MCC: variants seen among roughly 807,000 people sequenced by gnomAD.
MCC encodes MCC regulator of Wnt signaling pathway.
Under a neutral mutation model 116.2 loss-of-function variants are expected in MCC, and 90 were observed. The observed-to-expected ratio is 0.77, with a 90% CI of 0.65 to 0.92. MCC has a LOEUF of 0.92. Ranked by LOEUF, MCC falls within the 40% of genes least tolerant of loss-of-function variation. The probability of loss-of-function intolerance (pLI) is 0.00; values close to 1 mark genes in which losing one functional copy is unlikely to be tolerated. For synonymous variants in MCC, 578 were observed against 510.5 expected (o/e 1.13, Z -1.78); for missense variants, 1,516 against 1,312.2 (o/e 1.16, Z -2.40).
intron 3 of MCC, among the ~76,000 whole-genome samples, chr5:113,152,113 G>A (rs115141030): frequency 6.6e-5 from 10 of 152,226 alleles, no homozygotes; most frequent in Non-Finnish European, 1.2e-4. Flanking sequence ...ACAAACCAAG[G>A]ATCAACTGAG....
chr5:113,383,301 T>C (rs1029739980), intron 2 of MCC, among the ~76,000 whole-genome samples: 14 of 152,356 alleles, frequency 9.2e-5, no homozygotes, highest in African/African-American at 3.4e-4. Context: ...AAGAAATCCA[T>C]GTTCTTGGCA....
At chr5:113,041,617 T>C (rs548978917) in intron 17 of MCC, among the ~76,000 whole-genome samples, 2 of 152,080 alleles carry the variant, frequency 1.3e-5, no homozygotes, top group African/African-American at 2.4e-5. Context: ...AGGAGACAGC[T>C]TCTGATATGA....
intron 8 of MCC, among the ~76,000 whole-genome samples, chr5:113,088,323 G>C (rs933192715): frequency 6.6e-6 from 1 of 151,998 alleles, no homozygotes; most frequent in Non-Finnish European, 1.5e-5. Flanking sequence ...TGCTGAGTCA[G>C]CTTAGGCATG....
At chr5:113,409,759 T>A (rs1265763310) in intron 1 of MCC, among the ~76,000 whole-genome samples, 1 of 152,148 alleles carries the variant, frequency 6.6e-6, no homozygotes, top group African/African-American at 2.4e-5. Flanking sequence ...CCCACCCCAC[T>A]CCAATACTAA....
chr5:113,412,256 C>A (rs1309086281), intron 1 of MCC, among the ~76,000 whole-genome samples: 1 of 152,150 alleles, frequency 6.6e-6, no homozygotes, highest in African/African-American at 2.4e-5. Flanking sequence ...ACAATGCAGG[C>A]TCTTTTTTGG....
intron 3 of MCC, among the ~76,000 whole-genome samples, chr5:113,178,200 C>G (rs991552931): frequency 6.6e-6 from 1 of 152,190 alleles, no homozygotes; most frequent in African/African-American, 2.4e-5. Flanking sequence ...TGGAGTCACT[C>G]TTGTCACTTA....
At chr5:113,121,912 C>G (rs996000098) in intron 6 of MCC, among the ~76,000 whole-genome samples, 1 of 151,812 alleles carries the variant, frequency 6.6e-6, no homozygotes, top group African/African-American at 2.4e-5. Flanking sequence ...CCCTCAACCT[C>G]GATCTCTTTC....
intron 2 of MCC, among the ~76,000 whole-genome samples, chr5:113,364,260 AC>A (rs1561538952): frequency 3.0e-4 from 30 of 101,420 alleles, no homozygotes; most frequent in African/African-American, 5.3e-4. Flanking sequence ...AAAAAAAAAA[AC>A]CAGAAAAAAA....
intron 3 of MCC, among the ~76,000 whole-genome samples, chr5:113,317,648 A>C (rs1767318334): frequency 6.6e-6 from 1 of 152,342 alleles, no homozygotes; most frequent in Admixed American, 6.5e-5. Flanking sequence ...CACATTCACA[A>C]TTCTGGAGCA....
chr5:113,401,629 G>C (rs1380644886), intron 1 of MCC, among the ~76,000 whole-genome samples: 1 of 152,022 alleles, frequency 6.6e-6, no homozygotes, highest in Non-Finnish European at 1.5e-5. Context: ...CACAGTTAGG[G>C]ACTGTTGCAT....
intron 6 of MCC, among the ~76,000 whole-genome samples, chr5:113,107,153 T>G (rs1756785307): frequency 6.6e-6 from 1 of 151,886 alleles, no homozygotes; most frequent in Non-Finnish European, 1.5e-5. Context: ...CACCACATCA[T>G]CATTTATTTA....
At chr5:113,085,507 A>T (rs1755150352) in intron 8 of MCC, among the ~76,000 whole-genome samples, 197 bp from the exon 9 acceptor site, 1 of 152,042 alleles carries the variant, frequency 6.6e-6, no homozygotes, top group South Asian at 2.1e-4. Context: ...TCGGTTTCTT[A>T]AATCACATGT....
chr5:113,372,841 G>A (rs1463472094), intron 2 of MCC, among the ~76,000 whole-genome samples: 1 of 151,800 alleles, frequency 6.6e-6, no homozygotes, highest in Non-Finnish European at 1.5e-5. Flanking sequence ...ATAAGCATGA[G>A]CCACTGAGCC....
chr5:113,079,159 A>G (rs1312985378), intron 11 of MCC, among the ~76,000 whole-genome samples: 1 of 152,260 alleles, frequency 6.6e-6, no homozygotes, highest in Non-Finnish European at 1.5e-5. Context: ...GAAATAGAAG[A>G]AACAAACAAA....
At chr5:113,165,197 A>C (rs1312502225) in intron 3 of MCC, among the ~76,000 whole-genome samples, 1 of 152,212 alleles carries the variant, frequency 6.6e-6, no homozygotes, top group African/African-American at 2.4e-5. Context: ...TGGTGGTTTG[A>C]GTCTAGCTTG....
At chr5:113,426,865 T>C (rs866875461) in intron 1 of MCC, among the ~76,000 whole-genome samples, 18 of 152,164 alleles carry the variant, frequency 1.2e-4, no homozygotes, top group African/African-American at 4.1e-4. Context: ...TCCTCTATAA[T>C]GCGATGGGAG....
chr5:113,137,485 T>C (rs2150282243), intron 5 of MCC, among the ~76,000 whole-genome samples: 1 of 152,314 alleles, frequency 6.6e-6, no homozygotes, highest in South Asian at 2.1e-4. Context: ...TAATGTGGTA[T>C]ATTGTGTTTA....
intron 2 of MCC, among the ~76,000 whole-genome samples, chr5:113,368,230 T>C (rs1263277782): frequency 1.3e-5 from 2 of 150,590 alleles, no homozygotes; most frequent in Non-Finnish European, 2.9e-5. Flanking sequence ...TTTGAATTTG[T>C]CCTGTTTTGA....
At chr5:113,225,565 C>A (rs773489026) in intron 3 of MCC, among the ~76,000 whole-genome samples, 7 of 152,190 alleles carry the variant, frequency 4.6e-5, no homozygotes, top group Non-Finnish European at 5.9e-5. Flanking sequence ...CCTCATACAG[C>A]CTGAACTTAA....
Sources: allele counts gnomAD v4.1 joint callset (sites outside exome capture counted in the v4.1 genomes callset), GRCh38; gene constraint gnomAD v4.1.1; transcripts MANE v1.5; gene names NCBI Gene and HGNC (gene_info 2026-07-23, HGNC 2026-07-21).